MBD5: variants seen among roughly 807,000 people sequenced by gnomAD.
MBD5 encodes methyl-CpG binding domain protein 5.
In MBD5, 13 loss-of-function variants were observed where a neutral mutation model predicts 117.3. That is an observed-to-expected ratio of 0.11 (90% CI 0.07 to 0.18). The LOEUF (loss-of-function observed/expected upper bound fraction) is 0.18, where lower values mean the gene tolerates loss of function less well. Among genes scored for constraint, MBD5 ranks in the 10% least tolerant of loss-of-function variants. The pLI is 1.00. For synonymous variants in MBD5, 727 were observed against 766.4 expected (o/e 0.95, Z 0.85); for missense variants, 1,879 against 2,093.8 (o/e 0.90, Z 2.00).
intron 2 of MBD5, among the ~76,000 whole-genome samples, chr2:148,199,362 A>G (rs1489329663): frequency 6.6e-6 from 1 of 152,218 alleles, no homozygotes; most frequent in African/African-American, 2.4e-5. Flanking sequence ...AATATGGCAG[A>G]CTTTTAACAG....
intron 4 of MBD5, among the ~76,000 whole-genome samples, chr2:148,386,234 A>T (rs1425496303): frequency 3.3e-5 from 5 of 152,216 alleles, no homozygotes; most frequent in African/African-American, 1.2e-4. Flanking sequence ...AGCAGAAATT[A>T]ATGAAATGAA....
At position 148,269,646 on chromosome 2, in the gene MBD5, T is replaced by A. The variant is rs1266813071; in HGVS notation, c.-680+36251T>A. Among the ~76,000 whole-genome samples, 4 of 149,440 alleles carry A rather than the reference T, an allele frequency of 2.7e-5. No homozygotes were observed. In the South Asian group the frequency reaches 8.5e-4, roughly 32 times the overall value. ...AGTGGTCCAAAACTTTATACAGATATATCTAATTGTGAGTTTTTTTAGTTT... is the reference window on the plus strand; with the variant it reads ...AGTGGTCCAAAACTTTATACAGATAAATCTAATTGTGAGTTTTTTTAGTTT... On this transcript the variant is annotated intron_variant, in intron 3 of 13. Coordinates refer to ENST00000642680, the MANE Select transcript of MBD5 (RefSeq NM_001378120.1).
intron 1 of MBD5, among the ~76,000 whole-genome samples, chr2:148,063,714 T>C (rs1695103607): frequency 6.6e-6 from 1 of 152,158 alleles, no homozygotes; most frequent in Non-Finnish European, 1.5e-5. Context: ...TTCCCACCAC[T>C]GTACAATTTA....
chr2:148,264,586 A>G (rs1221520753), intron 3 of MBD5: 2 of 152,206 alleles, frequency 1.3e-5, no homozygotes, highest in African/African-American at 4.8e-5. Context: ...TAAACAATAG[A>G]AGCCAGCTTT....
At chr2:148,388,626 G>C (rs61277019) in intron 4 of MBD5, among the ~76,000 whole-genome samples, 2,508 of 152,242 alleles carry the variant, frequency 0.016, 42 homozygotes, top group Middle Eastern at 0.051. Flanking sequence ...AGATTTGGAG[G>C]TTGGAAGTCC....
intron 1 of MBD5, among the ~76,000 whole-genome samples, chr2:148,165,786 A>G (rs1270463996): frequency 1.3e-5 from 2 of 152,190 alleles, no homozygotes; most frequent in Non-Finnish European, 2.9e-5. Context: ...GTCCAGCAAC[A>G]TAGGGAACAT....
intron 1 of MBD5, among the ~76,000 whole-genome samples, chr2:148,160,865 A>C (rs57204245): frequency 0.026 from 3,931 of 152,258 alleles, 97 homozygotes; most frequent in African/African-American, 0.067. Context: ...CTACTTTTAT[A>C]GTGATTTGTG....
intron 11 of MBD5, among the ~76,000 whole-genome samples, chr2:148,498,262 G>A (rs955483098): frequency 6.6e-6 from 1 of 152,204 alleles, no homozygotes; most frequent in African/African-American, 2.4e-5. Flanking sequence ...ACACAGAGAG[G>A]TGTTATCAAG....
intron 4 of MBD5, among the ~76,000 whole-genome samples, chr2:148,408,500 T>C (rs1705149325): frequency 6.6e-6 from 1 of 152,206 alleles, no homozygotes; most frequent in Non-Finnish European, 1.5e-5. Context: ...CAAATAAAAA[T>C]CTTGGATTAT....
chr2:148,342,233 A>T lies in MBD5; in HGVS notation c.-660A>T, dbSNP rs888498386. On this transcript the variant is annotated 5_prime_UTR_variant, in exon 4 of 14. Transcript: ENST00000642680. ...TTCCAGAGAGAAGAGGTACTCCCTT[A>T]TAGGGACTCGTAAAGACATAGAGCA... is the stretch of plus-strand genomic sequence containing the variant. 6.6e-6 allele frequency: 1 copy of T among 152,126 alleles called. No individual in the cohort carries two copies. Among genetic ancestry groups the T allele is most frequent in the Non-Finnish European group, 1.5e-5 (1 of 67,948 alleles). The allele number at this position is 152,126 out of a possible 1,614,324, so 9.4% of individuals were successfully genotyped here.
chr2:148,329,718 T>G (rs529064012), intron 3 of MBD5, among the ~76,000 whole-genome samples: 90 of 152,290 alleles, frequency 5.9e-4, no homozygotes, highest in African/African-American at 1.9e-3. Context: ...CTGGAATGAT[T>G]TGAGCAACAA....
chr2:148,064,129 T>TTTTTTTTTTTTTTTTTA (rs1695116776), intron 1 of MBD5, among the ~76,000 whole-genome samples: 1 of 50,300 alleles, frequency 2.0e-5, no homozygotes, highest in African/African-American at 7.8e-5. Context: ...GTCTTTTTTC[T>TTTTTTTTTTTTTTTTTA]TTTTTTTTTT....
At chr2:148,152,616 G>C (rs990209922) in intron 1 of MBD5, among the ~76,000 whole-genome samples, 6 of 152,258 alleles carry the variant, frequency 3.9e-5, no homozygotes, top group Non-Finnish European at 7.4e-5. Flanking sequence ...TATGAATCTG[G>C]ATGCTCCTGT....
At chr2:148,270,097 C>T (rs59813139) in intron 3 of MBD5, among the ~76,000 whole-genome samples, 201 of 152,062 alleles carry the variant, frequency 1.3e-3, no homozygotes, top group African/African-American at 4.5e-3. Flanking sequence ...TCTCCCTTTT[C>T]TCAGTGTCTT....
At chr2:148,406,648 T>A (rs1213197204) in intron 4 of MBD5, among the ~76,000 whole-genome samples, 1 of 152,192 alleles carries the variant, frequency 6.6e-6, no homozygotes, top group Non-Finnish European at 1.5e-5. Context: ...CCTCACCTAT[T>A]TTTCCAACCC....
intron 2 of MBD5, among the ~76,000 whole-genome samples, chr2:148,212,009 A>G (rs923891074): frequency 4.6e-5 from 7 of 152,148 alleles, no homozygotes; most frequent in South Asian, 2.1e-4. Flanking sequence ...TTGGCCTCCT[A>G]AAGTGCTAGG....
chr2:148,109,312 A>G (rs1045062105), intron 1 of MBD5, among the ~76,000 whole-genome samples: 3 of 152,130 alleles, frequency 2.0e-5, no homozygotes, highest in Non-Finnish European at 4.4e-5. Flanking sequence ...TATTTGTGAC[A>G]TAGATTTCAA....
At chr2:148,417,734 G>GT (rs1169894284) in intron 4 of MBD5, among the ~76,000 whole-genome samples, 1 of 151,380 alleles carries the variant, frequency 6.6e-6, no homozygotes, top group Non-Finnish European at 1.5e-5. Context: ...TTTTTCATAT[G>GT]TTTTTTCGCC....
chr2:148,437,660 T>C (rs996725663), intron 4 of MBD5, among the ~76,000 whole-genome samples: 5 of 151,798 alleles, frequency 3.3e-5, no homozygotes, highest in African/African-American at 1.2e-4. Context: ...TAGGAAATAA[T>C]AACATACATA....
Sources: gnomAD v4.1 joint callset for allele counts (sites outside exome capture counted in the v4.1 genomes callset) on GRCh38, gnomAD v4.1.1 for gene constraint, MANE v1.5 for transcripts, NCBI Gene and HGNC (gene_info 2026-07-23, HGNC 2026-07-21) for gene names.